Variants in TAFA1 observed in about 807,000 individuals in gnomAD.
TAFA1 encodes the protein TAFA chemokine like family member 1.
Under a neutral mutation model 18.5 loss-of-function variants are expected in TAFA1, and 4 were observed. The observed-to-expected ratio is 0.22, with a 90% CI of 0.11 to 0.49. TAFA1 has a LOEUF of 0.49. Among genes scored for constraint, TAFA1 ranks in the 20% least tolerant of loss-of-function variants. TAFA1 has a pLI of 0.98. For missense variants in TAFA1, 147 were observed against 169.0 expected (o/e 0.87, Z 0.72); for synonymous variants, 56 against 55.2 (o/e 1.01, Z -0.06).
chr3:68,225,762 C>T (rs762257999), intron 2 of TAFA1, among the ~76,000 whole-genome samples: 15 of 152,014 alleles, frequency 9.9e-5, no homozygotes, highest in Non-Finnish European at 2.2e-4. Context: ...TCTTCTTTGT[C>T]TTTATTCTTA....
intron 2 of TAFA1, among the ~76,000 whole-genome samples, chr3:68,287,761 T>A (rs979681563): frequency 6.6e-6 from 1 of 152,150 alleles, no homozygotes. Context: ...ATTAGGGCTA[T>A]TTATCCTTCC....
chr3:68,452,406 C>A (rs1373364253), intron 3 of TAFA1, among the ~76,000 whole-genome samples: 1 of 151,254 alleles, frequency 6.6e-6, no homozygotes, highest in Non-Finnish European at 1.5e-5. Flanking sequence ...ACCTATGGTC[C>A]TAGCTACTCG....
intron 2 of TAFA1, among the ~76,000 whole-genome samples, chr3:68,066,685 A>C (rs564993961): frequency 6.6e-6 from 1 of 152,336 alleles, no homozygotes; most frequent in South Asian, 2.1e-4. Flanking sequence ...CCATGAAGAC[A>C]TAATTTCTGA....
At chr3:68,152,959 C>G (rs2106924592) in intron 2 of TAFA1, among the ~76,000 whole-genome samples, 1 of 152,112 alleles carries the variant, frequency 6.6e-6, no homozygotes, top group South Asian at 2.1e-4. Context: ...GAGAGTGGGA[C>G]CAGCTGCTTA....
intron 2 of TAFA1, among the ~76,000 whole-genome samples, chr3:68,385,125 C>G (rs1345750660): frequency 1.3e-5 from 2 of 151,996 alleles, no homozygotes; most frequent in African/African-American, 2.4e-5. Context: ...ACCTCGCACT[C>G]CTCATCTGTT....
At chr3:68,514,380 T>C (rs923938336) in intron 3 of TAFA1, among the ~76,000 whole-genome samples, 4 of 152,200 alleles carry the variant, frequency 2.6e-5, no homozygotes, top group African/African-American at 9.6e-5. Flanking sequence ...ATTACAAATA[T>C]GCATAGGTAT....
intron 2 of TAFA1, among the ~76,000 whole-genome samples, chr3:68,120,177 CTTTCT>C (rs2065375004): frequency 6.4e-5 from 1 of 15,740 alleles, no homozygotes; most frequent in Non-Finnish European, 1.7e-4. Flanking sequence ...CTTTCTCTTT[CTTTCT>C]TTCTTTCTTT....
At chr3:68,223,695 G>A (rs946820859) in intron 2 of TAFA1, among the ~76,000 whole-genome samples, 1 of 152,114 alleles carries the variant, frequency 6.6e-6, no homozygotes, top group Non-Finnish European at 1.5e-5. Context: ...TCACTGTTGG[G>A]ATAAGGAAAT....
At chr3:68,287,541 A>G (rs1310756683) in intron 2 of TAFA1, among the ~76,000 whole-genome samples, 1 of 152,142 alleles carries the variant, frequency 6.6e-6, no homozygotes, top group Non-Finnish European at 1.5e-5. Context: ...CTTAAAGTCC[A>G]GAAGCGTGCA....
At chr3:68,044,643 A>T (rs1399016344) in intron 2 of TAFA1, among the ~76,000 whole-genome samples, 2 of 152,226 alleles carry the variant, frequency 1.3e-5, no homozygotes, top group African/African-American at 2.4e-5. Flanking sequence ...TGACATTGAT[A>T]GTCAAATAGG....
intron 3 of TAFA1, among the ~76,000 whole-genome samples, chr3:68,432,861 C>T (rs2071203728): frequency 6.6e-6 from 1 of 151,978 alleles, no homozygotes; most frequent in Non-Finnish European, 1.5e-5. Context: ...ACATTAGGTA[C>T]AGGTTGACTT....
intron 3 of TAFA1, among the ~76,000 whole-genome samples, chr3:68,518,297 TTTTTTGG>T (rs945903943): frequency 6.6e-6 from 1 of 151,856 alleles, no homozygotes; most frequent in Non-Finnish European, 1.5e-5. Flanking sequence ...GAATACAATT[TTTTTTGG>T]CACAGAGCCT....
At chr3:68,342,930 C>T (rs942678755) in intron 2 of TAFA1, among the ~76,000 whole-genome samples, 2 of 152,166 alleles carry the variant, frequency 1.3e-5, no homozygotes, top group Non-Finnish European at 2.9e-5. Context: ...ATTCTTCACA[C>T]ACACAAAGTA....
intron 2 of TAFA1, among the ~76,000 whole-genome samples, chr3:68,226,211 A>T (rs1271298807): frequency 2.6e-5 from 4 of 152,192 alleles, no homozygotes; most frequent in Non-Finnish European, 1.5e-5. Flanking sequence ...TATAACTGAA[A>T]ATAAAATGAT....
intron 2 of TAFA1, among the ~76,000 whole-genome samples, chr3:68,279,141 T>C (rs778189450): frequency 1.3e-5 from 2 of 152,178 alleles, no homozygotes; most frequent in African/African-American, 2.4e-5. Flanking sequence ...AAGGCCTTCC[T>C]TGACCTCAAA....
chr3:68,366,148 C>A (rs572703543), intron 2 of TAFA1, among the ~76,000 whole-genome samples: 1 of 150,218 alleles, frequency 6.7e-6, no homozygotes, highest in Admixed American at 6.6e-5. Context: ...CCATGAAAAC[C>A]ATATTGGGGA....
chr3:68,059,643 T>C lies in TAFA1; in HGVS notation c.118+52899T>C, dbSNP rs80244657. 8.5e-3 allele frequency among the ~76,000 whole-genome samples: 1,290 copies of C among 152,254 alleles called. 19 individuals carry two copies. The highest frequency in any genetic ancestry group is 0.028 in the African/African-American group (1,180 of 41,560). On this transcript the variant is annotated intron_variant, in intron 2 of 4. Transcript: ENST00000478136. ...TCTACAGTAAGAAAGGGGCACTCAG[T>C]GTGTGTCTGCACAATGACAGAGGGG...
Position 68,137,402 on chromosome 3 carries a change from G to A in TAFA1, c.118+130658G>A, listed in dbSNP as rs143637699. The stretch of plus-strand genomic sequence containing the variant: ...ATTGGATTATATTCAGAAAATGAGA[G>A]TTTGACTTTAAGCTGAGAAAGTATG... On this transcript the variant is annotated intron_variant, in intron 2 of 4. Coordinates refer to ENST00000478136, the MANE Select transcript of TAFA1 (RefSeq NM_213609.4). Among the ~76,000 whole-genome samples, 530 of 152,294 alleles carry A rather than the reference G, an allele frequency of 3.5e-3. 1 individual carries two copies. The highest frequency in any genetic ancestry group is 0.012 in the African/African-American group (486 of 41,564).
chr3:68,053,855 C>A (rs182693299), intron 2 of TAFA1, among the ~76,000 whole-genome samples: 16 of 152,154 alleles, frequency 1.1e-4, no homozygotes, highest in African/African-American at 3.9e-4. Context: ...AAGCAAGCAC[C>A]ATCTCACTTG....
Sources: gnomAD v4.1 joint callset for allele counts (sites outside exome capture counted in the v4.1 genomes callset) on GRCh38, gnomAD v4.1.1 for gene constraint, MANE v1.5 for transcripts, NCBI Gene and HGNC (gene_info 2026-07-23, HGNC 2026-07-21) for gene names.